The following PCDHA2 variants were observed in gnomAD, a reference collection of about 807,000 sequenced individuals.
PCDHA2 encodes the protein protocadherin alpha-2.
PCDHA2 carries 58 observed loss-of-function variants against 66.0 expected under a neutral mutation model. That is an observed-to-expected ratio of 0.88 (90% CI 0.71 to 1.09). The LOEUF is 1.09. PCDHA2 is among the 50% of genes least tolerant of loss of function. The pLI, the probability that PCDHA2 is intolerant of heterozygous loss-of-function variation, is 0.00. For missense variants in PCDHA2, 1,267 were observed against 1,242.3 expected (o/e 1.02, Z -0.30); for synonymous variants, 634 against 554.0 (o/e 1.14, Z -2.03).
intron 1 of PCDHA2, among the ~76,000 whole-genome samples, chr5:140,913,400 C>T (rs2076319870): frequency 6.6e-6 from 1 of 152,108 alleles, no homozygotes; most frequent in South Asian, 2.1e-4. Context: ...CACTAATGAT[C>T]CTTTGAATTC....
intron 1 of PCDHA2, among the ~76,000 whole-genome samples, chr5:140,800,581 T>A (rs1554121176): frequency 1.3e-5 from 2 of 152,140 alleles, no homozygotes; most frequent in Non-Finnish European, 1.5e-5. Flanking sequence ...GGTAAAGAGG[T>A]TAATGGTAAG....
intron 2 of PCDHA2, among the ~76,000 whole-genome samples, chr5:140,980,627 T>C (rs1482574235): frequency 6.6e-6 from 1 of 151,860 alleles, no homozygotes; most frequent in African/African-American, 2.4e-5. Context: ...AGACTCTGTC[T>C]CAGAAGAATA....
At chr5:140,968,349 G>A (rs1554230631) in intron 1 of PCDHA2, 2 of 1,614,128 alleles carry the variant, frequency 1.2e-6, no homozygotes, top group Admixed American at 3.3e-5. Context: ...AACAGTGCCA[G>A]TGGCAGCCTT....
chr5:140,968,753 C>T (rs782591270), intron 1 of PCDHA2: 8 of 1,614,018 alleles, frequency 5.0e-6, no homozygotes, highest in Non-Finnish European at 6.8e-6. Flanking sequence ...CGTGGTGGTC[C>T]GAGATAATGG....
intron 1 of PCDHA2, chr5:140,930,486 G>T (rs1211564539): frequency 6.6e-6 from 1 of 152,320 alleles, no homozygotes; most frequent in Non-Finnish European, 1.5e-5. Flanking sequence ...GCCTCCCAAA[G>T]TGCTGGGATT....
intron 1 of PCDHA2, among the ~76,000 whole-genome samples, chr5:140,872,376 C>T (rs1270470575): frequency 1.3e-5 from 2 of 152,128 alleles, no homozygotes; most frequent in Non-Finnish European, 2.9e-5. Flanking sequence ...CCTGTAATCC[C>T]AGCTATTTGG....
chr5:140,861,396 C>T, intron 1 of PCDHA2: 1 of 455,520 alleles, frequency 2.2e-6, no homozygotes, highest in Non-Finnish European at 4.5e-6. Context: ...GGGTCTGGAG[C>T]TTGTGGAGCT....
At chr5:140,828,934 T>G in intron 1 of PCDHA2, 1 of 1,614,266 alleles carries the variant, frequency 6.2e-7, no homozygotes, top group Non-Finnish European at 8.5e-7. Context: ...CATATTCTTT[T>G]AATAGCCTTG....
intron 1 of PCDHA2, among the ~76,000 whole-genome samples, chr5:140,847,068 T>C (rs1780845671): frequency 6.7e-6 from 1 of 149,654 alleles, no homozygotes; most frequent in South Asian, 2.1e-4. Context: ...AGCATCAATA[T>C]GACAAGTAGA....
chr5:140,982,802 T>G (rs2153829847), intron 3 of PCDHA2, among the ~76,000 whole-genome samples: 1 of 152,122 alleles, frequency 6.6e-6, no homozygotes, highest in South Asian at 2.1e-4. Context: ...TGCATGTGTG[T>G]GTGTGTGTAT....
chr5:140,849,809 G>C (rs147465571), intron 1 of PCDHA2: 14 of 1,598,384 alleles, frequency 8.8e-6, no homozygotes, highest in East Asian at 2.2e-5. Context: ...TGTGGGCCAC[G>C]GCCAGGGTGT....
At chr5:140,952,410 T>C (rs2094741343) in intron 1 of PCDHA2, among the ~76,000 whole-genome samples, 1 of 151,978 alleles carries the variant, frequency 6.6e-6, no homozygotes, top group Non-Finnish European at 1.5e-5. Flanking sequence ...TCAAATTTAA[T>C]GTTCCGCAGA....
intron 1 of PCDHA2, among the ~76,000 whole-genome samples, chr5:140,820,077 G>A (rs2150105714): frequency 5.9e-5 from 9 of 151,896 alleles, no homozygotes; most frequent in Admixed American, 3.3e-4. Flanking sequence ...ATCAGCTAAT[G>A]CTGTTTTCTA....
intron 1 of PCDHA2, chr5:140,881,433 T>A (rs1554172102): frequency 1.1e-6 from 1 of 872,990 alleles, no homozygotes; most frequent in African/African-American, 1.8e-5. Context: ...AGGCATATTT[T>A]ATAAAAACAG....
chr5:140,862,489 C>T (rs1385240823), intron 1 of PCDHA2: 1 of 384,600 alleles, frequency 2.6e-6, no homozygotes, highest in Non-Finnish European at 5.2e-6. Context: ...TGTTGGTAAT[C>T]GCTCGGAATG....
chr5:140,880,851 A>T lies in PCDHA2; in HGVS notation c.2388+83499A>T, dbSNP rs577713176. 2.0e-5 allele frequency among the ~76,000 whole-genome samples: 3 copies of T among 152,322 alleles called. No individual in the cohort carries two copies. In the South Asian group the frequency reaches 6.2e-4, roughly 32 times the overall value. On this transcript the variant is annotated intron_variant, in intron 1 of 3. Coordinates refer to ENST00000526136, the MANE Select transcript of PCDHA2 (RefSeq NM_018905.3). The stretch of plus-strand genomic sequence containing the variant: ...GCATATTTTAAATGGTTGACTATGT[A>T]GTCTAATTATGTGAAGAGGTAAATA...
rs1412963703 is a variant in PCDHA2, at chr5:140,852,839, T to C, written c.2388+55487T>C. 5.2e-6 allele frequency: 5 copies of C among 968,992 alleles called. 1 individual carries two copies. Among genetic ancestry groups the C allele is most frequent in the Non-Finnish European group, 6.2e-6 (5 of 802,288 alleles). The allele number at this position is 968,992 out of a possible 1,614,324, so 60.0% of individuals were successfully genotyped here. On this transcript the variant is annotated intron_variant, in intron 1 of 3. Coordinates refer to ENST00000526136, the MANE Select transcript of PCDHA2 (RefSeq NM_018905.3). Reference sequence around the variant, plus strand: ...CTAAGTCCTCCAGTCTCCTTAGAGCTAGTACTTACTAAGCATTTACTATGT... The same window carrying C: ...CTAAGTCCTCCAGTCTCCTTAGAGCCAGTACTTACTAAGCATTTACTATGT...
chr5:140,884,217 T>A (rs782181432), intron 1 of PCDHA2: 4 of 1,613,448 alleles, frequency 2.5e-6, no homozygotes, highest in Non-Finnish European at 3.4e-6. Flanking sequence ...CTTCTGGTGC[T>A]GGTGAAGGAC....
At chr5:140,829,569 C>T (rs2150170274) in intron 1 of PCDHA2, 1 of 1,612,484 alleles carries the variant, frequency 6.2e-7, no homozygotes, top group East Asian at 2.2e-5. Flanking sequence ...GTGTCCTACT[C>T]GCTGGTGGAG....
Sources: allele counts gnomAD v4.1 joint callset (sites outside exome capture counted in the v4.1 genomes callset), GRCh38; gene constraint gnomAD v4.1.1; transcripts MANE v1.5; gene names NCBI Gene and HGNC (gene_info 2026-07-23, HGNC 2026-07-21).